The following PPP2R5D variants were observed in gnomAD, a reference collection of about 807,000 sequenced individuals.
PPP2R5D encodes protein phosphatase 2 regulatory subunit B'delta, also known as serine/threonine-protein phosphatase 2A 56 kDa regulatory subunit delta isoform.
PPP2R5D carries 12 observed loss-of-function variants against 79.1 expected under a neutral mutation model. The observed-to-expected ratio is 0.15, with a 90% CI of 0.10 to 0.25. PPP2R5D has a LOEUF of 0.25. PPP2R5D is among the 10% of genes least tolerant of loss of function. The pLI is 1.00. For synonymous variants in PPP2R5D, 277 were observed against 286.6 expected, an observed-to-expected ratio of 0.97 and a Z score of 0.34; for missense variants, 419 against 760.2, an observed-to-expected ratio of 0.55 and a Z score of 5.28.
At chr6:42,997,982 C>T (rs1251046678) in intron 2 of PPP2R5D, among the ~76,000 whole-genome samples, 1 of 123,222 alleles carries the variant, frequency 8.1e-6, no homozygotes, top group Non-Finnish European at 1.6e-5. Flanking sequence ...AGGCCCCTAT[C>T]TCTTTATTTA....
At chr6:43,003,767 C>T (rs113778245) in intron 2 of PPP2R5D, among the ~76,000 whole-genome samples, 4,243 of 152,118 alleles carry the variant, frequency 0.028, 186 homozygotes, top group African/African-American at 0.095. Context: ...GACGGCGTCT[C>T]GCTGTCTCCC....
At chr6:42,989,222 C>G (rs199878869) in intron 1 of PPP2R5D, among the ~76,000 whole-genome samples, 35 of 152,274 alleles carry the variant, frequency 2.3e-4, no homozygotes, top group African/African-American at 7.5e-4. Context: ...TGAAAGCCTC[C>G]GGCACACCTT....
chr6:43,000,054 G>A (rs1772065424), intron 2 of PPP2R5D, among the ~76,000 whole-genome samples: 1 of 151,988 alleles, frequency 6.6e-6, no homozygotes, highest in Non-Finnish European at 1.5e-5. Context: ...TCCTGCCTCA[G>A]CCTCCGGAAT....
chr6:43,008,617 C>T lies in PPP2R5D; in HGVS notation c.1027-76C>T. 1 of 1,536,366 alleles carries T rather than the reference C, an allele frequency of 6.5e-7. No homozygotes were observed. Among genetic ancestry groups the T allele is most frequent in the Non-Finnish European group, 9.0e-7 (1 of 1,110,936 alleles). The stretch of plus-strand genomic sequence containing the variant: ...TCCATCTCCCCTTCCCTTCTGGGAT[C>T]TTGTTTCTATCACTGACTTCTCTGA... On this transcript the variant is annotated intron_variant, in intron 9 of 15. Coordinates refer to ENST00000485511, the MANE Select transcript of PPP2R5D (RefSeq NM_006245.4). This position sits in a 1 kb window ranked among gnomAD's most constrained non-coding sequence, Gnocchi z 4.2.
chr6:43,007,146 AG>A lies in PPP2R5D; in HGVS notation c.522+40del. ...GGAAAGGACACAGGGGGGACTGGTGAGGGGCTCTGGAGAAGCCCAGGTGGAG... is the reference window on the plus strand; with the variant it reads ...GGAAAGGACACAGGGGGGACTGGTGAGGGCTCTGGAGAAGCCCAGGTGGAG... On this transcript the variant is annotated intron_variant, in intron 4 of 15. Transcript: ENST00000485511. This position sits in a 1 kb window ranked among gnomAD's most constrained non-coding sequence, Gnocchi z 4.5. The A allele has an allele frequency of 6.2e-7, 1 of 1,614,090 alleles. No individual in the cohort carries two copies. The highest frequency in any genetic ancestry group is 2.2e-5 in the East Asian group (1 of 44,870).
intron 1 of PPP2R5D, among the ~76,000 whole-genome samples, chr6:42,987,184 G>A (rs1770915684): frequency 6.6e-6 from 1 of 152,126 alleles, no homozygotes; most frequent in Non-Finnish European, 1.5e-5. Context: ...GTTTGGCCTT[G>A]GATGGGAATT....
intron 2 of PPP2R5D, among the ~76,000 whole-genome samples, chr6:43,004,912 G>A (rs773646931): frequency 4.6e-4 from 69 of 151,544 alleles, no homozygotes; most frequent in Admixed American, 8.6e-4. Flanking sequence ...ACCACACCCG[G>A]CTAATTTTGT....
chr6:43,011,358 C>T lies in PPP2R5D; in HGVS notation c.*72C>T. 6.3e-7 allele frequency: 1 copy of T among 1,587,870 alleles called. No individual in the cohort carries two copies. The highest frequency in any genetic ancestry group is 1.1e-5 in the South Asian group (1 of 88,828). On this transcript the variant is annotated 3_prime_UTR_variant, in exon 16 of 16. Transcript: ENST00000485511. ...CACTGCCCTGGCCCTCCATACTCTG[C>T]TCCCTACTGGCTGTCTTGGGGGAAG... is the stretch of plus-strand genomic sequence containing the variant.
intron 2 of PPP2R5D, among the ~76,000 whole-genome samples, chr6:42,994,273 G>A (rs910724439): frequency 2.6e-5 from 4 of 152,136 alleles, no homozygotes; most frequent in Non-Finnish European, 5.9e-5. Context: ...TTGGGGGAGA[G>A]AGCAAGACTC....
intron 2 of PPP2R5D, among the ~76,000 whole-genome samples, chr6:42,991,584 G>A (rs1348996347): frequency 2.0e-5 from 3 of 152,106 alleles, no homozygotes; most frequent in Non-Finnish European, 2.9e-5. Context: ...GTGTTAGCAC[G>A]AGAGCTCCAT....
In PPP2R5D at chr6:43,006,863, C is replaced by T. The variant is rs764468108; in HGVS notation, c.323-48C>T. ...AAGCCCTTGAAGGCAAGCAGGGCAT[C>T]GCAGTGAAGGACTACAGAGGAGAAC... On this transcript the variant is annotated intron_variant, in intron 3 of 15. Coordinates refer to ENST00000485511, the MANE Select transcript of PPP2R5D (RefSeq NM_006245.4). This position sits in a 1 kb window ranked among gnomAD's most constrained non-coding sequence, Gnocchi z 4.7. The T allele has an allele frequency of 1.4e-5, 23 of 1,603,676 alleles. No individual in the cohort carries two copies. Among genetic ancestry groups the T allele is most frequent in the East Asian group, 2.2e-5 (1 of 44,746 alleles).
At chr6:43,002,289 G>A (rs567918360) in intron 2 of PPP2R5D, among the ~76,000 whole-genome samples, 8 of 151,732 alleles carry the variant, frequency 5.3e-5, no homozygotes, top group African/African-American at 1.7e-4. Context: ...CCAGCCTCCC[G>A]AGTAGCTGAG....
At chr6:42,993,158 G>A (rs1223741920) in intron 2 of PPP2R5D, among the ~76,000 whole-genome samples, 11 of 152,196 alleles carry the variant, frequency 7.2e-5, no homozygotes, top group Admixed American at 5.2e-4. Context: ...TTAGCCAGGC[G>A]TGGTGGCACA....
At position 42,984,579 on chromosome 6, in the gene PPP2R5D, A is replaced by C. The variant is rs529134278; in HGVS notation, c.-99A>C. The C allele has an allele frequency of 1.4e-6, 2 of 1,464,042 alleles. No homozygotes were observed. Among genetic ancestry groups the C allele is most frequent in the Non-Finnish European group, 1.8e-6 (2 of 1,110,582 alleles). The allele number at this position is 1,464,042 out of a possible 1,614,324, so 90.7% of individuals were successfully genotyped here. The stretch of plus-strand genomic sequence containing the variant: ...ACCGCTCGACCCGGGCGCAGCGCGC[A>C]GGCGGTGGCGAAGAGACGCCGAGCG... On this transcript the variant is annotated 5_prime_UTR_variant, in exon 1 of 16. Coordinates refer to ENST00000485511, the MANE Select transcript of PPP2R5D (RefSeq NM_006245.4).
Position 43,010,710 on chromosome 6 carries a change from G to A in PPP2R5D, c.1528G>A (p.Glu510Lys). The change falls in exon 14 of 16, where the codon GAG (glutamate) becomes AAG (lysine). Residue 510 changes from glutamate to lysine, a missense_variant. Coordinates refer to ENST00000485511, the MANE Select transcript of PPP2R5D (RefSeq NM_006245.4). The surrounding 1 kb of genome is among the most constrained non-coding windows in gnomAD (Gnocchi z 4.7). ...AAGGGAAGAGATGTGGCAAAAAATCGAGGAGCTGGCCCGGCTTAATCCCCA... is the reference window on the plus strand; with the variant it reads ...AAGGGAAGAGATGTGGCAAAAAATCAAGGAGCTGGCCCGGCTTAATCCCCA... ...KEREEMWQKI[E>K]ELARLNPQYP... 3 of 1,613,976 alleles carry A rather than the reference G, an allele frequency of 1.9e-6. No individual in the cohort carries two copies. Among genetic ancestry groups the A allele is most frequent in the South Asian group, 2.2e-5 (2 of 91,088 alleles).
intron 2 of PPP2R5D, among the ~76,000 whole-genome samples, chr6:42,997,761 G>A (rs1160868605): frequency 2.0e-5 from 3 of 150,514 alleles, no homozygotes; most frequent in African/African-American, 7.3e-5. Context: ...GGTTAGGCTG[G>A]TCTCCAACTC....
intron 2 of PPP2R5D, among the ~76,000 whole-genome samples, chr6:42,994,591 G>T (rs1771501773): frequency 6.6e-6 from 1 of 151,984 alleles, no homozygotes; most frequent in Non-Finnish European, 1.5e-5. Flanking sequence ...GATCACCTGA[G>T]ATTGGGAGTT....
At chr6:43,004,043 G>A (rs1761924213) in intron 2 of PPP2R5D, among the ~76,000 whole-genome samples, 1 of 147,152 alleles carries the variant, frequency 6.8e-6, no homozygotes. Flanking sequence ...TGAAGATGGA[G>A]TCTCGCTCTG....
At chr6:42,984,756 C>G (rs1207328791) in intron 1 of PPP2R5D, 52 bp downstream of exon 1, 1 of 1,609,190 alleles carries the variant, frequency 6.2e-7, no homozygotes, top group South Asian at 1.1e-5. Context: ...GCGCGGAGCT[C>G]TGGGAGGGGC....
Sources: allele counts gnomAD v4.1 joint callset (sites outside exome capture counted in the v4.1 genomes callset), GRCh38; gene constraint gnomAD v4.1.1; non-coding constraint Gnocchi (gnomAD v3.1); transcripts MANE v1.5; gene names NCBI Gene and HGNC (gene_info 2026-07-23, HGNC 2026-07-21).